Variants in ERC2 observed in about 807,000 individuals in gnomAD.
ERC2 encodes the protein ERC protein 2.
A neutral mutation model predicts 114.8 loss-of-function variants in ERC2; 42 were observed. The observed-to-expected ratio is 0.37, with a 90% CI of 0.29 to 0.47. The LOEUF (loss-of-function observed/expected upper bound fraction) is 0.47, where lower values mean the gene tolerates loss of function less well. ERC2 is among the 20% of genes least tolerant of loss of function. The pLI is 0.99. For missense variants in ERC2, 939 were observed against 1,150.7 expected (o/e 0.82, Z 2.66); for synonymous variants, 454 against 425.5 (o/e 1.07, Z -0.82).
chr3:55,750,075 G>C (rs1188646208), intron 14 of ERC2, among the ~76,000 whole-genome samples: 1 of 152,136 alleles, frequency 6.6e-6, no homozygotes, highest in Non-Finnish European at 1.5e-5. Flanking sequence ...TTTTCAAAGA[G>C]AATTTACTAT....
At chr3:56,390,082 G>T (rs2060074630) in intron 2 of ERC2, among the ~76,000 whole-genome samples, 2 of 151,966 alleles carry the variant, frequency 1.3e-5, no homozygotes, top group South Asian at 4.1e-4. Flanking sequence ...TTGAACTCAG[G>T]AATGGAATAA....
chr3:55,728,390 T>C (rs201008631), intron 15 of ERC2, among the ~76,000 whole-genome samples: 3 of 152,150 alleles, frequency 2.0e-5, no homozygotes, highest in Admixed American at 6.5e-5. Flanking sequence ...TTTGACCCAA[T>C]TGAGCAAGTC....
rs147454482 is a variant in ERC2 at position 56,343,593 on chromosome 3, C to T, written c.658-47158G>A. On this transcript the variant is annotated intron_variant, in intron 2 of 17. Transcript: ENST00000288221. ...TGATCACCTTACTGCATTCCAGCCTCGGCAAAAAGTGAGACTTCATCTCTA... is the reference window on the plus strand; with the variant it reads ...TGATCACCTTACTGCATTCCAGCCTTGGCAAAAAGTGAGACTTCATCTCTA... Among the ~76,000 whole-genome samples the T allele has an allele frequency of 2.3e-4, 35 of 152,052 alleles. 1 individual carries two copies. The highest frequency in any genetic ancestry group is 6.0e-4 in the African/African-American group (25 of 41,522).
chr3:55,829,680 A>T (rs1324414900), intron 14 of ERC2, among the ~76,000 whole-genome samples: 1 of 152,072 alleles, frequency 6.6e-6, no homozygotes, highest in Non-Finnish European at 1.5e-5. Context: ...ACATCCAGTT[A>T]ATTGCTTTTT....
intron 17 of ERC2, among the ~76,000 whole-genome samples, chr3:55,583,888 G>GT (rs1553712067): frequency 6.6e-6 from 1 of 151,750 alleles, no homozygotes; most frequent in African/African-American, 2.4e-5. Context: ...CAACTTGCTA[G>GT]CCCCCCTCCC....
At chr3:56,104,571 C>A (rs987467735) in intron 6 of ERC2, among the ~76,000 whole-genome samples, 5 of 151,832 alleles carry the variant, frequency 3.3e-5, no homozygotes, top group African/African-American at 1.2e-4. Flanking sequence ...TTTTTAATTA[C>A]TTCGGTTATT....
chr3:56,186,114 T>TAAAAAAAAAAAAAAAAA (rs201544979), intron 3 of ERC2, among the ~76,000 whole-genome samples: 6 of 102,540 alleles, frequency 5.9e-5, no homozygotes, highest in African/African-American at 1.5e-4. Flanking sequence ...TCAAGAACCT[T>TAAAAAAAAAAAAAAAAA]AAAAAAAAAA....
At chr3:55,783,996 C>T (rs149462588) in intron 14 of ERC2, among the ~76,000 whole-genome samples, 312 of 152,262 alleles carry the variant, frequency 2.0e-3, no homozygotes, top group African/African-American at 7.2e-3. Flanking sequence ...TTTCAGATGA[C>T]TAAGATATTA....
At chr3:56,139,874 G>A (rs889742393) in intron 5 of ERC2, among the ~76,000 whole-genome samples, 198 bp from the exon 6 acceptor site, 1 of 152,152 alleles carries the variant, frequency 6.6e-6, no homozygotes, top group African/African-American at 2.4e-5. Flanking sequence ...AAAGGTCACT[G>A]AGAGTATAGG....
At chr3:56,253,451 T>C (rs951662050) in intron 3 of ERC2, among the ~76,000 whole-genome samples, 26 of 152,258 alleles carry the variant, frequency 1.7e-4, no homozygotes, top group African/African-American at 6.0e-4. Context: ...ATGTTTTCTC[T>C]ACTAAAAATC....
At chr3:56,069,463 G>T (rs1355650484) in intron 7 of ERC2, among the ~76,000 whole-genome samples, 2 of 151,994 alleles carry the variant, frequency 1.3e-5, no homozygotes, top group African/African-American at 4.8e-5. Flanking sequence ...GTGTGGCTGG[G>T]GTCTCTGCCT....
intron 6 of ERC2, among the ~76,000 whole-genome samples, chr3:56,093,002 G>C (rs2077875679): frequency 6.6e-6 from 1 of 152,064 alleles, no homozygotes; most frequent in African/African-American, 2.4e-5. Context: ...TGATCTTTAG[G>C]TCAGTGCTTT....
intron 14 of ERC2, among the ~76,000 whole-genome samples, chr3:55,790,902 C>G (rs555750171): frequency 1.3e-5 from 2 of 152,324 alleles, no homozygotes; most frequent in East Asian, 3.9e-4. Flanking sequence ...CAAAGAGCTT[C>G]GGCTCTGGAG....
chr3:55,577,076 G>A (rs1043086800), intron 17 of ERC2, among the ~76,000 whole-genome samples: 2 of 152,256 alleles, frequency 1.3e-5, no homozygotes, highest in Non-Finnish European at 2.9e-5. Context: ...AGAGGCCTGC[G>A]ATCAGCCCCT....
intron 14 of ERC2, among the ~76,000 whole-genome samples, chr3:55,848,094 A>G (rs1359795367): frequency 6.6e-6 from 1 of 152,150 alleles, no homozygotes; most frequent in Admixed American, 6.5e-5. Flanking sequence ...ACCAAGCCCC[A>G]GCTAGGATAT....
intron 3 of ERC2, among the ~76,000 whole-genome samples, chr3:56,240,508 C>G (rs1167933467): frequency 6.6e-6 from 1 of 151,500 alleles, no homozygotes; most frequent in Non-Finnish European, 1.5e-5. Context: ...AGTAAATGAC[C>G]CTGTTTAAAA....
At chr3:56,087,054 A>G (rs1443934456) in intron 6 of ERC2, among the ~76,000 whole-genome samples, 2 of 152,268 alleles carry the variant, frequency 1.3e-5, no homozygotes, top group Admixed American at 6.5e-5. Flanking sequence ...TCCATGCACA[A>G]AGACCCAGAA....
At chr3:55,661,196 A>G (rs1301366968) in intron 17 of ERC2, among the ~76,000 whole-genome samples, 1 of 152,228 alleles carries the variant, frequency 6.6e-6, no homozygotes, top group Non-Finnish European at 1.5e-5. Context: ...TTTTGGCACA[A>G]CACGGCTCAG....
intron 2 of ERC2, among the ~76,000 whole-genome samples, chr3:56,388,435 C>T (rs963737398): frequency 9.2e-5 from 14 of 152,140 alleles, no homozygotes; most frequent in Middle Eastern, 3.2e-3. Context: ...TTCCTGAGGC[C>T]CTCACCAGAA....
Sources: allele counts gnomAD v4.1 joint callset (sites outside exome capture counted in the v4.1 genomes callset), GRCh38; gene constraint gnomAD v4.1.1; transcripts MANE v1.5; gene names NCBI Gene and HGNC (gene_info 2026-07-23, HGNC 2026-07-21).